Variants in MYO3A observed in about 807,000 individuals in gnomAD.
The protein encoded by MYO3A is myosin-IIIa.
MYO3A carries 180 observed loss-of-function variants against 192.7 expected under a neutral mutation model. The observed-to-expected ratio is 0.93, with a 90% confidence interval of 0.83 to 1.06. The LOEUF is 1.06. Among genes scored for constraint, MYO3A ranks in the 50% least tolerant of loss-of-function variants. MYO3A has a pLI of 0.00. For synonymous variants in MYO3A, 628 were observed against 645.3 expected, an observed-to-expected ratio of 0.97 and a Z score of 0.41; for missense variants, 1,896 against 1,905.0, an observed-to-expected ratio of 1.00 and a Z score of 0.09.
intron 31 of MYO3A, among the ~76,000 whole-genome samples, chr10:26,185,196 C>A (rs548447311): frequency 5.3e-5 from 8 of 152,108 alleles, no homozygotes; most frequent in Non-Finnish European, 1.0e-4. Flanking sequence ...TGTCAAGAAG[C>A]TAACACTAAA....
chr10:25,954,300 C>T (rs2130574658), intron 3 of MYO3A, among the ~76,000 whole-genome samples: 1 of 152,208 alleles, frequency 6.6e-6, no homozygotes, highest in South Asian at 2.1e-4. Flanking sequence ...AAGTGGCTGT[C>T]TTTCATTCTG....
chr10:26,173,661 A>C lies in MYO3A; in HGVS notation c.3399-2A>C. 6.2e-7 allele frequency: 1 copy of C among 1,611,970 alleles called. No homozygotes were observed. Among genetic ancestry groups the C allele is most frequent in the Non-Finnish European group, 8.5e-7 (1 of 1,178,490 alleles). ...TATTCAAAGATAATATATTTTACAC[A>C]GGGAATCTTTCGTGAAGAAACAAGC... is the stretch of plus-strand genomic sequence containing the variant. On this transcript the variant is annotated splice_acceptor_variant, in intron 29 of 34. Transcript: ENST00000642920. LOFTEE classifies it high-confidence loss of function.
At chr10:26,016,488 A>G (rs557422249) in intron 6 of MYO3A, among the ~76,000 whole-genome samples, 1 of 152,342 alleles carries the variant, frequency 6.6e-6, no homozygotes, top group African/African-American at 2.4e-5. Context: ...TACATGACAA[A>G]ATATGTAAAA....
chr10:26,064,252 G>T (rs1229800755), intron 10 of MYO3A, among the ~76,000 whole-genome samples: 2 of 152,148 alleles, frequency 1.3e-5, no homozygotes, highest in African/African-American at 4.8e-5. Flanking sequence ...AAGCAAGAAA[G>T]AGCTTTACAG....
chr10:26,185,709 T>G (rs1842836511), intron 31 of MYO3A, among the ~76,000 whole-genome samples: 1 of 152,154 alleles, frequency 6.6e-6, no homozygotes, highest in South Asian at 2.1e-4. Flanking sequence ...TGCTCCCCTC[T>G]GTTCCTTTTC....
At chr10:26,202,187 A>C (rs956934957) in intron 33 of MYO3A, among the ~76,000 whole-genome samples, 1 of 152,240 alleles carries the variant, frequency 6.6e-6, no homozygotes, top group African/African-American at 2.4e-5. Context: ...TGCTAAGAAC[A>C]AACAAGAGCG....
Position 26,024,135 on chromosome 10 carries a change from A to G in MYO3A, c.797+48A>G, listed in dbSNP as rs750691840. On this transcript the variant is annotated intron_variant, in intron 9 of 34. Coordinates refer to ENST00000642920, the MANE Select transcript of MYO3A (RefSeq NM_017433.5). ...AAAACCAAAGATATTCCCTCCTGCT[A>G]TAACTAAATCTCCTCCTATTTCTTC... 6.6e-6 allele frequency: 10 copies of G among 1,505,922 alleles called. No individual in the cohort carries two copies. The Admixed American group carries it at 6.7e-5, about 10-fold the overall frequency. 93.3% of individuals were successfully genotyped at this position (1,505,922 alleles called of 1,614,324 possible). A position where few individuals can be genotyped will look rare whatever the true frequency, so the allele number is the denominator to read the frequency against.
intron 2 of MYO3A, among the ~76,000 whole-genome samples, chr10:25,944,109 G>T (rs1317264515): frequency 6.6e-6 from 1 of 151,592 alleles, no homozygotes; most frequent in East Asian, 1.9e-4. Context: ...TATTTTGAAA[G>T]GGTGTTGAAT....
In MYO3A at chr10:26,019,220, TTTA is replaced by T. The variant is rs1842147897; in HGVS notation, c.586-2280_586-2278del. On this transcript the variant is annotated intron_variant, in intron 7 of 34. Coordinates refer to ENST00000642920, the MANE Select transcript of MYO3A (RefSeq NM_017433.5). ...GGACTGGCCTTTTCTGGTTATTCTA[TTTA>T]TTTATTTATTTATTTATTTATTTAT... Among the ~76,000 whole-genome samples, 9 of 870 alleles carry T rather than the reference TTTA, an allele frequency of 0.01. No homozygotes were observed. In the South Asian group the frequency reaches 0.2, roughly 19 times the overall value. The allele number at this position is 870 out of a possible 152,430, so 0.6% of individuals were successfully genotyped here. A position where few individuals can be genotyped will look rare whatever the true frequency, so the allele number is the denominator to read the frequency against.
At chr10:26,177,404 C>G (rs57059254) in intron 31 of MYO3A, among the ~76,000 whole-genome samples, 3,917 of 152,166 alleles carry the variant, frequency 0.026, 191 homozygotes, top group African/African-American at 0.087. Context: ...TCAGGTACAC[C>G]CTGTAGTCTC....
At chr10:26,011,761 A>G (rs375113806) in intron 6 of MYO3A, among the ~76,000 whole-genome samples, 1 of 152,222 alleles carries the variant, frequency 6.6e-6, no homozygotes, top group Non-Finnish European at 1.5e-5. Flanking sequence ...AAATCATTCT[A>G]TGAAGCTAGT....
At chr10:26,113,496 A>T (rs1287045105) in intron 17 of MYO3A, among the ~76,000 whole-genome samples, 2 of 152,152 alleles carry the variant, frequency 1.3e-5, no homozygotes, top group East Asian at 3.9e-4. Flanking sequence ...AACAAAAAAA[A>T]ACTGATTTTG....
In MYO3A at chr10:26,026,656, A is replaced by G. The variant is rs1842561022; in HGVS notation, c.953+124A>G. 6.3e-6 allele frequency: 7 copies of G among 1,104,304 alleles called. No homozygotes were observed. In the Admixed American group the frequency reaches 7.9e-5, roughly 12 times the overall value. The allele number at this position is 1,104,304 out of a possible 1,614,324, so 68.4% of individuals were successfully genotyped here. The stretch of plus-strand genomic sequence containing the variant: ...GTAATGGGGACTTACATGAAAAGTG[A>G]ATGTCACCTGTTGAAATGCCTCTCA... On this transcript the variant is annotated intron_variant, in intron 10 of 34. Transcript: ENST00000642920.
In MYO3A at chr10:26,000,944, C is replaced by G. The variant is rs537584177; in HGVS notation, c.508+3686C>G. On this transcript the variant is annotated intron_variant, in intron 6 of 34. Coordinates refer to ENST00000642920, the MANE Select transcript of MYO3A (RefSeq NM_017433.5). Reference sequence around the variant, plus strand: ...GGCAGGAGGGCAAAGGCAAAGCTGGCACATCTTACTATGGTGGCTGGAGAG... The same window carrying G: ...GGCAGGAGGGCAAAGGCAAAGCTGGGACATCTTACTATGGTGGCTGGAGAG... Among the ~76,000 whole-genome samples the G allele has an allele frequency of 2.2e-4, 34 of 152,254 alleles. No individual in the cohort carries two copies. The South Asian group carries it at 7.1e-3, about 32-fold the overall frequency.
chr10:26,154,907 C>G, intron 25 of MYO3A, 84 bp downstream of exon 25: 2 of 1,117,170 alleles, frequency 1.8e-6, no homozygotes, highest in Middle Eastern at 2.1e-4. Flanking sequence ...GTAACACTAG[C>G]AAAGAGAATG....
intron 21 of MYO3A, among the ~76,000 whole-genome samples, chr10:26,145,082 G>A (rs1589031979): frequency 6.6e-6 from 1 of 152,030 alleles, no homozygotes; most frequent in East Asian, 1.9e-4. Flanking sequence ...GGGAGGCTGA[G>A]GCAGGAGAAT....
intron 4 of MYO3A, 59 bp downstream of exon 4, chr10:25,955,067 T>G: frequency 1.3e-6 from 2 of 1,577,532 alleles, no homozygotes; most frequent in Middle Eastern, 1.7e-4. Flanking sequence ...CTGAAATGAC[T>G]TGTTATACTA....
chr10:26,060,921 AT>A (rs1564507771), intron 10 of MYO3A, among the ~76,000 whole-genome samples: 8 of 142,390 alleles, frequency 5.6e-5, no homozygotes, highest in Non-Finnish European at 1.1e-4. Flanking sequence ...TTTTATTTTT[AT>A]TTTTATTTTA....
intron 2 of MYO3A, among the ~76,000 whole-genome samples, chr10:25,947,585 G>C (rs1034896014): frequency 6.6e-6 from 1 of 151,692 alleles, no homozygotes; most frequent in Non-Finnish European, 1.5e-5. Flanking sequence ...TAGAGACAGG[G>C]TTTCTCCATG....
Sources: gnomAD v4.1 joint callset for allele counts (sites outside exome capture counted in the v4.1 genomes callset) on GRCh38, gnomAD v4.1.1 for gene constraint, MANE v1.5 for transcripts, NCBI Gene and HGNC (gene_info 2026-07-23, HGNC 2026-07-21) for gene names.